ICA1L: variants seen among roughly 807,000 people sequenced by gnomAD.
ICA1L encodes the protein islet cell autoantigen 1 like.
A neutral mutation model predicts 61.3 loss-of-function variants in ICA1L; 50 were observed. That is an observed-to-expected ratio of 0.82 (90% CI 0.65 to 1.03). The LOEUF is 1.03. ICA1L is among the 50% of genes least tolerant of loss of function. The pLI is 0.00. For missense variants in ICA1L, 508 were observed against 556.7 expected, an observed-to-expected ratio of 0.91 and a Z score of 0.88; for synonymous variants, 161 against 191.3, an observed-to-expected ratio of 0.84 and a Z score of 1.31.
intron 10 of ICA1L, among the ~76,000 whole-genome samples, chr2:202,794,322 C>T (rs1438257432): frequency 5.0e-5 from 7 of 139,434 alleles, no homozygotes; most frequent in African/African-American, 8.0e-5. Flanking sequence ...CTCCTGCCTG[C>T]GCGACACAGT....
rs1273636576 is a variant in ICA1L, at chr2:202,774,303, A to T, written c.*5230T>A. The T allele has an allele frequency of 6.0e-6, 9 of 1,511,920 alleles. No individual in the cohort carries two copies. The African/African-American group carries it at 1.3e-4, about 22-fold the overall frequency. The allele number at this position is 1,511,920 out of a possible 1,614,324, so 93.7% of individuals were successfully genotyped here. A position where few individuals can be genotyped will look rare whatever the true frequency, so the allele number is the denominator to read the frequency against. ...TGCAGGCACCTACGGGCGACCGCGG[A>T]CGGCGGCGCGCGCGTTCCCCGCAGC... On this transcript the variant is annotated 3_prime_UTR_variant, in exon 13 of 13. Transcript: ENST00000358299.
At chr2:202,785,234 AAAAG>A (rs1296035122) in intron 12 of ICA1L, among the ~76,000 whole-genome samples, 1 of 151,796 alleles carries the variant, frequency 6.6e-6, no homozygotes, top group Non-Finnish European at 1.5e-5. Context: ...AAAAAAAAAA[AAAAG>A]AAAAGAAAAA....
intron 1 of ICA1L, among the ~76,000 whole-genome samples, chr2:202,848,052 T>C (rs972512622): frequency 6.6e-6 from 1 of 151,988 alleles, no homozygotes. Context: ...GACATAAAGA[T>C]GGGAATAGTA....
chr2:202,841,660 G>A, intron 1 of ICA1L: 4 of 575,888 alleles, frequency 6.9e-6, no homozygotes, highest in South Asian at 1.5e-5. Context: ...CTCGGGAGAA[G>A]CTCAAGGAGC....
At chr2:202,788,217 T>C (rs1268933356) in intron 11 of ICA1L, among the ~76,000 whole-genome samples, 1 of 152,102 alleles carries the variant, frequency 6.6e-6, no homozygotes, top group African/African-American at 2.4e-5. Flanking sequence ...AGAGAATGAA[T>C]TGGGGGTTGG....
intron 3 of ICA1L, 23 bp from the exon 4 acceptor site, chr2:202,821,504 GTTAA>G (rs779613038): frequency 4.5e-6 from 7 of 1,563,076 alleles, no homozygotes; most frequent in African/African-American, 1.4e-5. Context: ...TTACAGTGTA[GTTAA>G]TTGTTTCCTT....
rs575140274 is a variant in ICA1L at position 202,776,449 on chromosome 2, C to G, written c.*3084G>C. The G allele has an allele frequency of 6.6e-6, 1 of 152,264 alleles. No individual in the cohort carries two copies. Among genetic ancestry groups the G allele is most frequent in the South Asian group, 2.1e-4 (1 of 4,830 alleles). The allele number at this position is 152,264 out of a possible 1,614,324, so 9.4% of individuals were successfully genotyped here. On this transcript the variant is annotated 3_prime_UTR_variant, in exon 13 of 13. Coordinates refer to ENST00000358299, the MANE Select transcript of ICA1L (RefSeq NM_001288622.3). The stretch of plus-strand genomic sequence containing the variant: ...TTGGTTAAGGATAATTAATTTACTT[C>G]TTATTGAATGGATTATCTAGATTGA...
chr2:202,816,556 G>A (rs1365640604), intron 6 of ICA1L, among the ~76,000 whole-genome samples: 25 of 152,140 alleles, frequency 1.6e-4, no homozygotes, highest in Admixed American at 1.6e-3. Context: ...AAAGTGAGGA[G>A]GATGAATGGA....
At chr2:202,816,583 T>C (rs1693542895) in intron 6 of ICA1L, among the ~76,000 whole-genome samples, 2 of 152,196 alleles carry the variant, frequency 1.3e-5, no homozygotes, top group South Asian at 4.1e-4. Context: ...AAAGGAAAAC[T>C]GAACTCATAG....
rs1559155211 is a variant in ICA1L at position 202,871,739 on chromosome 2, C to G, written c.-128G>C. On this transcript the variant is annotated 5_prime_UTR_variant, in exon 1 of 13. Coordinates refer to ENST00000358299, the MANE Select transcript of ICA1L (RefSeq NM_001288622.3). The stretch of plus-strand genomic sequence containing the variant: ...TCCCGGCCCTCCGGCAGCCAGTGCC[C>G]CTCCGCACCAGTGCGTGGAGGTGTC... 1 of 152,562 alleles carries G rather than the reference C, an allele frequency of 6.6e-6. No individual in the cohort carries two copies. The highest frequency in any genetic ancestry group is 1.5e-5 in the Non-Finnish European group (1 of 68,366). The allele number at this position is 152,562 out of a possible 1,614,324, so 9.5% of individuals were successfully genotyped here.
intron 7 of ICA1L, 62 bp from the exon 8 acceptor site, chr2:202,814,846 G>A (rs892759541): frequency 1.9e-6 from 2 of 1,077,158 alleles, no homozygotes; most frequent in Non-Finnish European, 2.8e-6. Context: ...TCTCTGCAAA[G>A]AAAATGAGAA....
intron 10 of ICA1L, among the ~76,000 whole-genome samples, chr2:202,792,169 AAAAAT>A (rs753872255): frequency 1.4e-4 from 21 of 152,304 alleles, no homozygotes; most frequent in Admixed American, 5.2e-4. Flanking sequence ...CTCCATCTCA[AAAAAT>A]AAAATAAAAT....
At chr2:202,846,439 T>C (rs1057459248) in intron 1 of ICA1L, among the ~76,000 whole-genome samples, 1 of 152,034 alleles carries the variant, frequency 6.6e-6, no homozygotes, top group African/African-American at 2.4e-5. Context: ...CAGAGACTGG[T>C]TGCAAGTCAG....
At chr2:202,839,296 C>T (rs567525283) in intron 1 of ICA1L, among the ~76,000 whole-genome samples, 11 of 151,780 alleles carry the variant, frequency 7.2e-5, no homozygotes, top group Middle Eastern at 3.2e-3. Flanking sequence ...GTCAGAAGAT[C>T]GAGACCGTCC....
intron 1 of ICA1L, among the ~76,000 whole-genome samples, chr2:202,832,979 C>T (rs1363535407): frequency 2.0e-5 from 3 of 151,862 alleles, no homozygotes; most frequent in Non-Finnish European, 4.4e-5. Flanking sequence ...TTGTGAATGA[C>T]ATTAATTTAC....
chr2:202,854,388 A>G (rs754688669), intron 1 of ICA1L, among the ~76,000 whole-genome samples: 1 of 152,248 alleles, frequency 6.6e-6, no homozygotes, highest in Non-Finnish European at 1.5e-5. Flanking sequence ...CCAGATTCAT[A>G]AAACAAGTTC....
At chr2:202,864,712 T>C (rs1687437254) in intron 1 of ICA1L, among the ~76,000 whole-genome samples, 1 of 152,066 alleles carries the variant, frequency 6.6e-6, no homozygotes, top group Non-Finnish European at 1.5e-5. Context: ...GCAAGATTTG[T>C]TTAGCATTTC....
chr2:202,800,045 G>GA (rs1693046823), intron 9 of ICA1L, among the ~76,000 whole-genome samples: 1 of 150,962 alleles, frequency 6.6e-6, no homozygotes, highest in Admixed American at 6.6e-5. Context: ...AGTCAGCTAA[G>GA]TTTTTTTTTG....
chr2:202,801,399 G>C (rs1357311724), intron 9 of ICA1L, among the ~76,000 whole-genome samples: 2 of 152,208 alleles, frequency 1.3e-5, no homozygotes, highest in South Asian at 2.1e-4. Flanking sequence ...GAAAGGTCTA[G>C]CTCAAAGGCT....
Sources: allele counts gnomAD v4.1 joint callset (sites outside exome capture counted in the v4.1 genomes callset), GRCh38; gene constraint gnomAD v4.1.1; transcripts MANE v1.5; gene names NCBI Gene and HGNC (gene_info 2026-07-23, HGNC 2026-07-21).